Variants in GPRASP3 observed in about 807,000 individuals in gnomAD.
The protein encoded by GPRASP3 is G protein-coupled receptor associated sorting protein 3.
chrX:102,748,153 A>G, the GPRASP3 span, among the ~76,000 whole-genome samples: 5,557 of 111,878 alleles, frequency 0.05, 339 homozygotes, highest in African/African-American at 0.17. Flanking sequence ...CAGAAGTGTT[A>G]TATAACCAAA....
the GPRASP3 span, among the ~76,000 whole-genome samples, chrX:102,734,170 G>C: frequency 8.9e-6 from 1 of 111,918 alleles, no homozygotes; most frequent in South Asian, 3.7e-4. Context: ...GTTACTTCAG[G>C]CCATCTGGAT....
the GPRASP3 span, among the ~76,000 whole-genome samples, chrX:102,728,070 G>T: frequency 5.4e-5 from 6 of 111,540 alleles, no homozygotes; most frequent in Non-Finnish European, 9.4e-5. Flanking sequence ...CAATCATTAG[G>T]CAGTTAATGT....
chrX:102,747,076 T>C, the GPRASP3 span, among the ~76,000 whole-genome samples: 69 of 112,260 alleles, frequency 6.1e-4, no homozygotes, highest in African/African-American at 2.2e-3. Flanking sequence ...CTTCAGTTTA[T>C]GGTTCTGGAA....
At chrX:102,747,461 G>A in the GPRASP3 span, 3 of 111,893 alleles carry the variant, frequency 2.7e-5, no homozygotes, top group South Asian at 1.1e-3. Context: ...TATGCATGGG[G>A]AAGGGGAAGG....
At chrX:102,721,451 C>T in the GPRASP3 span, among the ~76,000 whole-genome samples, 95 of 111,614 alleles carry the variant, frequency 8.5e-4, no homozygotes, top group Non-Finnish European at 1.5e-3. Context: ...CTGCCTTTTG[C>T]TCCAAGGCTC....
At chrX:102,735,928 T>G in the GPRASP3 span, among the ~76,000 whole-genome samples, 1 of 112,648 alleles carries the variant, frequency 8.9e-6, no homozygotes, top group South Asian at 3.6e-4. Context: ...CATGTTACAC[T>G]GTTGACTCTT....
chrX:102,746,867 G>A, the GPRASP3 span, among the ~76,000 whole-genome samples: 1 of 112,616 alleles, frequency 8.9e-6, no homozygotes, highest in African/African-American at 3.2e-5. Flanking sequence ...AGCAAATAGG[G>A]TGTGGACTTA....
At chrX:102,750,547 A>G in the GPRASP3 span, 5 of 1,207,412 alleles carry the variant, frequency 4.1e-6, no homozygotes, top group Non-Finnish European at 5.6e-6. Flanking sequence ...GGAGCATATC[A>G]GAAAAGGCTC....
chrX:102,740,443 T>C, the GPRASP3 span, among the ~76,000 whole-genome samples: 2 of 112,306 alleles, frequency 1.8e-5, no homozygotes, highest in African/African-American at 6.5e-5. Context: ...CACAGTGTTA[T>C]AGAGCTTGGG....
chrX:102,737,526 T>C, the GPRASP3 span, among the ~76,000 whole-genome samples: 1 of 111,732 alleles, frequency 8.9e-6, no homozygotes, highest in Non-Finnish European at 1.9e-5. Context: ...ACTACTGGTT[T>C]GCATAGAAAG....
the GPRASP3 span, among the ~76,000 whole-genome samples, chrX:102,732,015 G>A: frequency 8.9e-6 from 1 of 112,009 alleles, no homozygotes; most frequent in African/African-American, 3.2e-5. Context: ...ATCAGGAAAT[G>A]GCCTGTCCTT....
the GPRASP3 span, among the ~76,000 whole-genome samples, chrX:102,735,812 C>A: frequency 8.9e-6 from 1 of 112,820 alleles, no homozygotes; most frequent in East Asian, 2.8e-4. Flanking sequence ...CTAAACTAGG[C>A]AAGAAATCCA....
the GPRASP3 span, among the ~76,000 whole-genome samples, chrX:102,735,685 G>A: frequency 8.9e-6 from 1 of 112,117 alleles, no homozygotes; most frequent in African/African-American, 3.2e-5. Context: ...TGGGATTACA[G>A]GCGCGAGCCA....
chrX:102,742,628 G>C, the GPRASP3 span, among the ~76,000 whole-genome samples: 1 of 112,061 alleles, frequency 8.9e-6, no homozygotes, highest in Admixed American at 9.4e-5. Flanking sequence ...GGGATTCTCT[G>C]GAGGGGGGCT....
the GPRASP3 span, chrX:102,747,539 C>T: frequency 1.8e-5 from 2 of 111,551 alleles, no homozygotes; most frequent in Admixed American, 1.9e-4. Flanking sequence ...AGTACAATTG[C>T]CTATGTTCCA....
chrX:102,741,881 C>G, the GPRASP3 span, among the ~76,000 whole-genome samples: 38 of 111,932 alleles, frequency 3.4e-4, no homozygotes, highest in Non-Finnish European at 6.2e-4. Flanking sequence ...TACTACCAAC[C>G]TAGACCTCTG....
At chrX:102,734,622 A>C in the GPRASP3 span, among the ~76,000 whole-genome samples, 1 of 111,126 alleles carries the variant, frequency 9.0e-6, no homozygotes, top group Non-Finnish European at 1.9e-5. Flanking sequence ...GTCTCAAAAA[A>C]ATAATAATAA....
the GPRASP3 span, among the ~76,000 whole-genome samples, chrX:102,743,310 C>A: frequency 9.0e-6 from 1 of 110,715 alleles, no homozygotes; most frequent in Admixed American, 9.6e-5. Context: ...ATTTATTTTC[C>A]TTTCACAATA....
the GPRASP3 span, among the ~76,000 whole-genome samples, chrX:102,725,867 G>A: frequency 9.0e-6 from 1 of 111,484 alleles, no homozygotes; most frequent in East Asian, 2.8e-4. Context: ...TTTATACCAT[G>A]CATCAGAGTC....
Sources: gnomAD v4.1 joint callset for allele counts (sites outside exome capture counted in the v4.1 genomes callset) on GRCh38, gnomAD v4.1.1 for gene constraint, MANE v1.5 for transcripts, NCBI Gene and HGNC (gene_info 2026-07-23, HGNC 2026-07-21) for gene names.